MKLN1: variants seen among roughly 807,000 people sequenced by gnomAD.
MKLN1 encodes muskelin 1, also known as muskelin.
A neutral mutation model predicts 99.0 loss-of-function variants in MKLN1; 18 were observed. The ratio of observed to expected loss-of-function variants is 0.18; its 90% CI spans 0.13 to 0.27. MKLN1 has a LOEUF of 0.27. Ranked by LOEUF, MKLN1 falls within the 10% of genes least tolerant of loss-of-function variation. The pLI is 1.00. For synonymous variants in MKLN1, 288 were observed against 293.2 expected (o/e 0.98, Z 0.18); for missense variants, 621 against 875.9 (o/e 0.71, Z 3.67).
intron 3 of MKLN1, among the ~76,000 whole-genome samples, chr7:131,293,564 T>C (rs941919969): frequency 6.6e-6 from 1 of 152,144 alleles, no homozygotes; most frequent in African/African-American, 2.4e-5. Context: ...TGTCCAACAC[T>C]TTGGAAGACT....
chr7:131,418,051 C>G (rs1333168046), intron 8 of MKLN1, among the ~76,000 whole-genome samples: 1 of 151,990 alleles, frequency 6.6e-6, no homozygotes, highest in African/African-American at 2.4e-5. Context: ...GAAATTGTCT[C>G]GTTAGCACCA....
chr7:131,470,501 C>T (rs1312829690), intron 15 of MKLN1, among the ~76,000 whole-genome samples: 2 of 152,188 alleles, frequency 1.3e-5, no homozygotes, highest in East Asian at 3.9e-4. Flanking sequence ...TTGGGATTTT[C>T]TGAAGTTCTG....
intron 8 of MKLN1, among the ~76,000 whole-genome samples, chr7:131,419,343 G>A (rs1222858118): frequency 6.9e-6 from 1 of 145,556 alleles, no homozygotes; most frequent in African/African-American, 2.5e-5. Context: ...CTCTGCCTCC[G>A]GGGTTCAAGT....
At chr7:131,274,464 G>A (rs953988681) in intron 3 of MKLN1, among the ~76,000 whole-genome samples, 10 of 151,852 alleles carry the variant, frequency 6.6e-5, no homozygotes, top group South Asian at 2.1e-4. Context: ...GCAACATGGC[G>A]AAACCCCATC....
intron 3 of MKLN1, among the ~76,000 whole-genome samples, chr7:131,241,538 C>T (rs1275912885): frequency 6.6e-6 from 1 of 152,140 alleles, no homozygotes; most frequent in Admixed American, 6.6e-5. Flanking sequence ...GAGAACTTGT[C>T]GCTACAAAAA....
intron 3 of MKLN1, among the ~76,000 whole-genome samples, chr7:131,260,176 G>C (rs1797712329): frequency 6.6e-6 from 1 of 151,970 alleles, no homozygotes; most frequent in Non-Finnish European, 1.5e-5. Context: ...CCAAGTAGCT[G>C]AGACTACAGG....
chr7:131,393,022 T>G (rs925518339), intron 4 of MKLN1, among the ~76,000 whole-genome samples: 9 of 152,116 alleles, frequency 5.9e-5, no homozygotes, highest in Non-Finnish European at 1.3e-4. Context: ...TCAGCCTCCC[T>G]AGTAGCACAC....
At chr7:131,398,078 T>C (rs1489896018) in intron 5 of MKLN1, among the ~76,000 whole-genome samples, 2 of 152,220 alleles carry the variant, frequency 1.3e-5, no homozygotes, top group Admixed American at 6.5e-5. Context: ...TCAAATCTTA[T>C]ACATCTTCCT....
chr7:131,346,603 T>G (rs1799570318), intron 1 of MKLN1, among the ~76,000 whole-genome samples: 1 of 152,106 alleles, frequency 6.6e-6, no homozygotes, highest in African/African-American at 2.4e-5. Context: ...TATGAAACAT[T>G]TTACAACTTA....
At chr7:131,261,497 A>G (rs1485214196) in intron 3 of MKLN1, among the ~76,000 whole-genome samples, 1 of 152,194 alleles carries the variant, frequency 6.6e-6, no homozygotes, top group Non-Finnish European at 1.5e-5. Flanking sequence ...AAAAAATAAC[A>G]TGGTGGTGAG....
intron 3 of MKLN1, among the ~76,000 whole-genome samples, chr7:131,225,205 G>A (rs904763721): frequency 1.5e-4 from 23 of 152,206 alleles, no homozygotes; most frequent in Non-Finnish European, 3.2e-4. Flanking sequence ...TTCTAGAGCT[G>A]GGAAGCCACA....
chr7:131,449,994 C>T (rs1796132186), intron 12 of MKLN1, among the ~76,000 whole-genome samples: 1 of 152,166 alleles, frequency 6.6e-6, no homozygotes, highest in Non-Finnish European at 1.5e-5. Flanking sequence ...TTAATTTTCA[C>T]AAGAGGATGT....
chr7:131,398,244 T>A (rs1318519426), intron 5 of MKLN1, among the ~76,000 whole-genome samples: 1 of 152,132 alleles, frequency 6.6e-6, no homozygotes, highest in Non-Finnish European at 1.5e-5. Flanking sequence ...GAAGTTGAGA[T>A]TTTTTTAAAA....
intron 3 of MKLN1, among the ~76,000 whole-genome samples, chr7:131,276,580 C>T (rs576211521): frequency 6.6e-6 from 1 of 152,242 alleles, no homozygotes; most frequent in African/African-American, 2.4e-5. Flanking sequence ...TTTCTTTTCC[C>T]TCTTCACGAC....
intron 2 of MKLN1, among the ~76,000 whole-genome samples, chr7:131,173,340 T>G (rs1042299961): frequency 6.6e-6 from 1 of 152,214 alleles, no homozygotes; most frequent in South Asian, 2.1e-4. Flanking sequence ...GATTGGATTC[T>G]GGGTGAGATG....
At position 131,450,355 on chromosome 7, in the gene MKLN1, T is replaced by C. The variant is rs187682803; in HGVS notation, c.1525+4452T>C. Among the ~76,000 whole-genome samples, 29 of 152,324 alleles carry C rather than the reference T, an allele frequency of 1.9e-4. No individual in the cohort carries two copies. The East Asian group carries it at 3.9e-3, about 20-fold the overall frequency. On this transcript the variant is annotated intron_variant, in intron 12 of 17. Coordinates refer to ENST00000352689, the MANE Select transcript of MKLN1 (RefSeq NM_013255.5). ...GGGCCCTATCTTCATGGAGTTATGG[T>C]TGTACACAGAGAGGAAAAATAAAGT...
At chr7:131,140,247 A>T (rs1795711377) in intron 1 of MKLN1, among the ~76,000 whole-genome samples, 1 of 152,098 alleles carries the variant, frequency 6.6e-6, no homozygotes, top group Non-Finnish European at 1.5e-5. Flanking sequence ...TCCTTGAAAC[A>T]TGCTTTTCCC....
intron 2 of MKLN1, among the ~76,000 whole-genome samples, chr7:131,170,285 T>A (rs1325627611): frequency 6.6e-6 from 1 of 152,192 alleles, no homozygotes; most frequent in Non-Finnish European, 1.5e-5. Context: ...TTATACTCAT[T>A]TTTAGATAAA....
chr7:131,120,846 A>G (rs542377778), intron 1 of MKLN1, among the ~76,000 whole-genome samples: 1 of 152,336 alleles, frequency 6.6e-6, no homozygotes, highest in African/African-American at 2.4e-5. Flanking sequence ...TCTTCTTCTA[A>G]GCCCTCCAAA....
Sources: allele counts gnomAD v4.1 joint callset (sites outside exome capture counted in the v4.1 genomes callset), GRCh38; gene constraint gnomAD v4.1.1; transcripts MANE v1.5; gene names NCBI Gene and HGNC (gene_info 2026-07-23, HGNC 2026-07-21).